Variants in TMEM161B observed in about 807,000 individuals in gnomAD.
The protein encoded by TMEM161B is transmembrane protein 161B.
In TMEM161B, 34 loss-of-function variants were observed where a neutral mutation model predicts 61.8. That is an observed-to-expected ratio of 0.55 (90% CI 0.42 to 0.73). TMEM161B has a LOEUF of 0.73. Ranked by LOEUF, TMEM161B falls within the 30% of genes least tolerant of loss-of-function variation. The probability of loss-of-function intolerance (pLI) is 0.00; values close to 1 mark genes in which losing one functional copy is unlikely to be tolerated. For missense variants in TMEM161B, 456 were observed against 558.5 expected (o/e 0.82, Z 1.85); for synonymous variants, 167 against 192.8 (o/e 0.87, Z 1.11).
chr5:88,218,751 A>T (rs1295319409), intron 5 of TMEM161B, among the ~76,000 whole-genome samples: 1 of 152,236 alleles, frequency 6.6e-6, no homozygotes, highest in African/African-American at 2.4e-5. Context: ...GTAAGAATGG[A>T]ACTTCAAAGA....
Position 88,196,128 on chromosome 5 carries a change from C to T in TMEM161B, c.*83G>A. 2 of 1,491,442 alleles carry T rather than the reference C, an allele frequency of 1.3e-6. No individual in the cohort carries two copies. Among genetic ancestry groups the T allele is most frequent in the South Asian group, 1.4e-5 (1 of 70,108 alleles). 92.4% of individuals were successfully genotyped at this position (1,491,442 alleles called of 1,614,324 possible). On this transcript the variant is annotated 3_prime_UTR_variant, in exon 12 of 12. Coordinates refer to ENST00000296595, the MANE Select transcript of TMEM161B (RefSeq NM_153354.5). ...TTTTTTTTCCCATTGTATTTGCTTT[C>T]TTCTGGTTTTCATCAGCCCTTTAAG... is the stretch of plus-strand genomic sequence containing the variant.
At chr5:88,266,355 GA>G (rs1333609789) in intron 1 of TMEM161B, among the ~76,000 whole-genome samples, 1 of 151,958 alleles carries the variant, frequency 6.6e-6, no homozygotes, top group Non-Finnish European at 1.5e-5. Flanking sequence ...TGTGACTTAT[GA>G]AAAAAATGAA....
At chr5:88,262,948 T>C (rs1422917183) in intron 1 of TMEM161B, among the ~76,000 whole-genome samples, 1 of 152,132 alleles carries the variant, frequency 6.6e-6, no homozygotes, top group Non-Finnish European at 1.5e-5. Flanking sequence ...ATAAAATCTA[T>C]TACATGAAAT....
chr5:88,247,877 T>A (rs1021027767), intron 1 of TMEM161B, among the ~76,000 whole-genome samples: 2 of 152,084 alleles, frequency 1.3e-5, no homozygotes, highest in African/African-American at 4.8e-5. Flanking sequence ...ACAAACTACA[T>A]GTGTGGGGCA....
At chr5:88,223,488 A>C (rs947582133) in intron 4 of TMEM161B, among the ~76,000 whole-genome samples, 1 of 152,200 alleles carries the variant, frequency 6.6e-6, no homozygotes, top group Non-Finnish European at 1.5e-5. Context: ...GAGTAGTGAA[A>C]CAAATGTGAC....
chr5:88,268,234 C>T (rs987600789), intron 1 of TMEM161B, among the ~76,000 whole-genome samples: 5 of 152,124 alleles, frequency 3.3e-5, no homozygotes, highest in African/African-American at 1.2e-4. Context: ...TATGAAATGG[C>T]TAAGTGTAAA....
At chr5:88,190,222 G>A (rs1003822893), downstream of TMEM161B, 12 of 700,940 alleles carry the variant, frequency 1.7e-5, no homozygotes, top group Non-Finnish European at 3.1e-5. Flanking sequence ...CCATAAGCTT[G>A]CATGCCGGGT....
chr5:88,268,530 G>A (rs987568646), intron 1 of TMEM161B, among the ~76,000 whole-genome samples, 191 bp downstream of exon 1: 3 of 152,194 alleles, frequency 2.0e-5, no homozygotes, highest in African/African-American at 7.2e-5. Flanking sequence ...TAGTCTCCCA[G>A]ACAGGTAGGC....
chr5:88,239,637 T>TAC (rs1366035600), intron 2 of TMEM161B, among the ~76,000 whole-genome samples: 4 of 152,040 alleles, frequency 2.6e-5, no homozygotes, highest in Middle Eastern at 3.4e-3. Flanking sequence ...ACATTCAGTA[T>TAC]ACACACACAC....
intron 9 of TMEM161B, 31 bp from the exon 10 acceptor site, chr5:88,199,181 C>A: frequency 6.4e-7 from 1 of 1,569,868 alleles, no homozygotes; most frequent in East Asian, 2.3e-5. Context: ...ACGGTGCTCT[C>A]AAAGACAACA....
At position 88,230,768 on chromosome 5, in the gene TMEM161B, C is replaced by T. The variant is rs115689609; in HGVS notation, c.108-2240G>A. The stretch of plus-strand genomic sequence containing the variant: ...TAAAAAATATATCTGCTCTTTGTCC[C>T]CAGTTCTTGGCACAGAGTTTTAAAA... On this transcript the variant is annotated intron_variant, in intron 2 of 11. Coordinates refer to ENST00000296595, the MANE Select transcript of TMEM161B (RefSeq NM_153354.5). Among the ~76,000 whole-genome samples the T allele has an allele frequency of 2.9e-3, 442 of 152,202 alleles. 1 individual carries two copies. Among genetic ancestry groups the T allele is most frequent in the African/African-American group, 9.8e-3 (405 of 41,530 alleles).
intron 10 of TMEM161B, 67 bp from the exon 11 acceptor site, chr5:88,197,832 A>C (rs903222099): frequency 7.7e-7 from 1 of 1,296,214 alleles, no homozygotes; most frequent in African/African-American, 1.5e-5. Flanking sequence ...AAACTTTCAT[A>C]TAATTGCCAT....
At chr5:88,189,605 G>C (rs186034467), downstream of TMEM161B, 1 of 155,816 alleles carries the variant, frequency 6.4e-6, no homozygotes, top group African/African-American at 2.4e-5. Context: ...GGGTGAACTG[G>C]GGAGAATAAG....
downstream of TMEM161B, among the ~76,000 whole-genome samples, chr5:88,185,925 A>G (rs1330653195): frequency 6.6e-6 from 1 of 152,242 alleles, no homozygotes; most frequent in Non-Finnish European, 1.5e-5. Flanking sequence ...AATCATAAAC[A>G]TGGCATTTCT....
intron 5 of TMEM161B, among the ~76,000 whole-genome samples, chr5:88,209,851 C>A (rs1204468568): frequency 2.1e-5 from 1 of 46,776 alleles, no homozygotes; most frequent in Non-Finnish European, 5.0e-5. Context: ...GGATCATAAT[C>A]TATCATCTGA....
chr5:88,265,037 C>A (rs1485761511), intron 1 of TMEM161B, among the ~76,000 whole-genome samples: 1 of 152,158 alleles, frequency 6.6e-6, no homozygotes, highest in East Asian at 1.9e-4. Flanking sequence ...ACCACCATGG[C>A]ACATGTATAC....
intron 1 of TMEM161B, among the ~76,000 whole-genome samples, chr5:88,265,873 C>T (rs1176312630): frequency 2.6e-5 from 4 of 152,156 alleles, no homozygotes; most frequent in African/African-American, 9.7e-5. Context: ...CAGGATGATA[C>T]ACAGATGCAA....
chr5:88,228,573 C>A, intron 2 of TMEM161B, 45 bp from the exon 3 acceptor site: 1 of 1,286,596 alleles, frequency 7.8e-7, no homozygotes, highest in Non-Finnish European at 1.1e-6. Context: ...TTAAAATCAC[C>A]AGAATTATTC....
At chr5:88,220,781 T>G in intron 4 of TMEM161B, 62 bp from the exon 5 acceptor site, 2 of 1,487,314 alleles carry the variant, frequency 1.3e-6, no homozygotes, top group African/African-American at 2.9e-5. Context: ...ACTTACATTT[T>G]CATAAATAAC....
Sources: gnomAD v4.1 joint callset for allele counts (sites outside exome capture counted in the v4.1 genomes callset) on GRCh38, gnomAD v4.1.1 for gene constraint, MANE v1.5 for transcripts, NCBI Gene and HGNC (gene_info 2026-07-23, HGNC 2026-07-21) for gene names.